The following VPS13A variants were observed in gnomAD, a reference collection of about 807,000 sequenced individuals.
VPS13A encodes the protein intermembrane lipid transfer protein VPS13A.
A neutral mutation model predicts 390.9 loss-of-function variants in VPS13A; 264 were observed. That is an observed-to-expected ratio of 0.68 (90% CI 0.61 to 0.75). The LOEUF is 0.75. Among genes scored for constraint, VPS13A ranks in the 30% least tolerant of loss-of-function variants. VPS13A has a pLI of 0.00. For synonymous variants in VPS13A, 1,231 were observed against 1,227.1 expected (o/e 1.00, Z -0.07); for missense variants, 3,409 against 3,733.9 (o/e 0.91, Z 2.27).
intron 34 of VPS13A, among the ~76,000 whole-genome samples, chr9:77,305,981 G>C (rs963680268): frequency 8.5e-5 from 13 of 152,274 alleles, no homozygotes; most frequent in East Asian, 3.9e-4. Context: ...AGTATTTGAG[G>C]TGCATGCGAT....
intron 46 of VPS13A, 31 bp downstream of exon 46, chr9:77,332,144 A>G: frequency 6.5e-7 from 1 of 1,540,014 alleles, no homozygotes; most frequent in Non-Finnish European, 9.0e-7. Flanking sequence ...TATTTACTCT[A>G]AAATCTCTTG....
chr9:77,275,511 A>AT lies in VPS13A; in HGVS notation c.2532dup (p.Asp845Ter). On this transcript the variant is annotated frameshift_variant, in exon 25 of 72. Coordinates refer to ENST00000360280, the MANE Select transcript of VPS13A (RefSeq NM_033305.3). LOFTEE classifies it high-confidence loss of function. Reference sequence around the variant, plus strand: ...TGTGAAATGTAGATTCAGAGGAGGAATTTTTTGATGCACCATGTAGTCCCT... The same window carrying AT: ...TGTGAAATGTAGATTCAGAGGAGGAATTTTTTTGATGCACCATGTAGTCCCT... 1.2e-6 allele frequency: 2 copies of AT among 1,613,672 alleles called. No homozygotes were observed. Among genetic ancestry groups the AT allele is most frequent in the South Asian group, 1.1e-5 (1 of 91,066 alleles).
chr9:77,287,900 T>G (rs1827424523), intron 31 of VPS13A, among the ~76,000 whole-genome samples: 1 of 152,208 alleles, frequency 6.6e-6, no homozygotes, highest in Non-Finnish European at 1.5e-5. Flanking sequence ...TTGAGACAAT[T>G]TACCTATAGT....
chr9:77,405,143 T>G (rs963267437), intron 69 of VPS13A, among the ~76,000 whole-genome samples: 1 of 152,204 alleles, frequency 6.6e-6, no homozygotes, highest in Non-Finnish European at 1.5e-5. Context: ...GGTTTCTTTC[T>G]TCAAAATGGG....
In VPS13A at chr9:77,359,392, T is replaced by C. The variant is rs758989403; in HGVS notation, c.8095T>C (p.Ser2699Pro). 1.4e-5 allele frequency: 23 copies of C among 1,612,266 alleles called. No homozygotes were observed. Among genetic ancestry groups the C allele is most frequent in the Non-Finnish European group, 1.9e-5 (22 of 1,178,686 alleles). ...VMRSAGHSQI[S>P]RIKYFKVLIQ... ...GAGATCTGCAGGACATTCCCAGATA[T>C]CACGTATTAAGTAAGTGTCTTAATA... Residue 2699 changes from serine (S) to proline (P), a missense_variant, in exon 58 of 72, where the codon TCA becomes CCA. Physicochemically the swap from Ser to Pro is moderately conservative, Grantham distance 74 (BLOSUM62 -1). Transcript: ENST00000360280.
At chr9:77,216,384 T>C (rs533951761) in intron 10 of VPS13A, among the ~76,000 whole-genome samples, 2 of 152,236 alleles carry the variant, frequency 1.3e-5, no homozygotes, top group Admixed American at 1.3e-4. Flanking sequence ...AGCTTGTTTT[T>C]AGGCTGAGAT....
chr9:77,196,121 CTTAT>C (rs974111859), intron 1 of VPS13A, among the ~76,000 whole-genome samples: 1 of 151,690 alleles, frequency 6.6e-6, no homozygotes, highest in African/African-American at 2.4e-5. Context: ...CTGTTATTTC[CTTAT>C]TTATTTTATT....
At chr9:77,218,787 T>C (rs1309110309) in intron 10 of VPS13A, among the ~76,000 whole-genome samples, 2 of 152,128 alleles carry the variant, frequency 1.3e-5, no homozygotes, top group Non-Finnish European at 2.9e-5. Flanking sequence ...TCACTGGCTA[T>C]ACAAAAATAG....
intron 43 of VPS13A, 62 bp from the exon 44 acceptor site, chr9:77,321,428 CT>C (rs1318527389): frequency 6.3e-7 from 1 of 1,597,030 alleles, no homozygotes; most frequent in African/African-American, 1.3e-5. Flanking sequence ...TTGTCCTTTA[CT>C]GTTCTCCTTG....
intron 8 of VPS13A, 58 bp downstream of exon 8, chr9:77,213,086 T>G: frequency 6.3e-7 from 1 of 1,587,652 alleles, no homozygotes; most frequent in Non-Finnish European, 8.6e-7. Context: ...GAAAGCCAAA[T>G]GATAATATAT....
chr9:77,356,675 T>A, intron 54 of VPS13A, 39 bp from the exon 55 acceptor site: 1 of 1,552,590 alleles, frequency 6.4e-7, no homozygotes, highest in Non-Finnish European at 8.7e-7. Context: ...TGTTAATAAC[T>A]TAGTATTAAA....
chr9:77,390,522 A>T (rs1184902699), intron 68 of VPS13A, among the ~76,000 whole-genome samples: 1 of 152,154 alleles, frequency 6.6e-6, no homozygotes, highest in African/African-American at 2.4e-5. Context: ...ATTTTAGAAT[A>T]AGATTTTGAA....
At chr9:77,217,973 A>AT (rs1459114694) in intron 10 of VPS13A, among the ~76,000 whole-genome samples, 4 of 151,370 alleles carry the variant, frequency 2.6e-5, no homozygotes, top group Non-Finnish European at 5.9e-5. Flanking sequence ...AACATGTGTC[A>AT]TTTTTTGTCT....
intron 52 of VPS13A, among the ~76,000 whole-genome samples, chr9:77,348,446 G>A (rs6560587): frequency 0.53 from 79,829 of 151,872 alleles, 21,134 homozygotes; most frequent in South Asian, 0.59. Flanking sequence ...GGGGAACAAC[G>A]CACACTGGGG....
intron 59 of VPS13A, among the ~76,000 whole-genome samples, chr9:77,360,929 A>G (rs1187738254): frequency 6.6e-6 from 1 of 152,048 alleles, no homozygotes; most frequent in Non-Finnish European, 1.5e-5. Flanking sequence ...CTTTGCTTTC[A>G]CTTTAATAAT....
chr9:77,257,432 G>A (rs1825512005), intron 22 of VPS13A, among the ~76,000 whole-genome samples: 1 of 151,928 alleles, frequency 6.6e-6, no homozygotes, highest in South Asian at 2.1e-4. Context: ...GATGGGTCTT[G>A]CTATGTTGCC....
At chr9:77,321,771 C>T (rs765502445) in intron 44 of VPS13A, 25 bp downstream of exon 44, 7 of 1,611,978 alleles carry the variant, frequency 4.3e-6, no homozygotes, top group Non-Finnish European at 5.1e-6. Context: ...AATTACCTTC[C>T]TGGGGCTATT....
At chr9:77,280,859 T>A (rs1040737977) in intron 27 of VPS13A, among the ~76,000 whole-genome samples, 1 of 152,314 alleles carries the variant, frequency 6.6e-6, no homozygotes, top group Admixed American at 6.5e-5. Context: ...ATATGCATTA[T>A]ATAGCTTTTA....
intron 71 of VPS13A, among the ~76,000 whole-genome samples, chr9:77,414,884 G>A (rs1835109013): frequency 6.6e-6 from 1 of 152,258 alleles, no homozygotes; most frequent in African/African-American, 2.4e-5. Context: ...GATCCTGGCT[G>A]TGGTGACTGT....
Sources: allele counts gnomAD v4.1 joint callset (sites outside exome capture counted in the v4.1 genomes callset), GRCh38; gene constraint gnomAD v4.1.1; transcripts MANE v1.5; gene names NCBI Gene and HGNC (gene_info 2026-07-23, HGNC 2026-07-21).